Variants in FRYL observed in about 807,000 individuals in gnomAD.
FRYL encodes protein furry homolog-like.
In FRYL, 150 loss-of-function variants were observed where a neutral mutation model predicts 351.2. That is an observed-to-expected ratio of 0.43 (90% CI 0.37 to 0.49). The LOEUF is 0.49. FRYL is among the 20% of genes least tolerant of loss of function. The pLI is 0.00. For synonymous variants in FRYL, 1,153 were observed against 1,257.1 expected (o/e 0.92, Z 1.75); for missense variants, 3,036 against 3,619.3 (o/e 0.84, Z 4.13).
At chr4:48,706,324 A>C (rs886935212) in intron 2 of FRYL, among the ~76,000 whole-genome samples, 42 of 152,332 alleles carry the variant, frequency 2.8e-4, no homozygotes, top group African/African-American at 1.0e-3. Flanking sequence ...AAAGAATGAA[A>C]TTCTAACACG....
chr4:48,612,260 T>A (rs1477532119), intron 7 of FRYL, among the ~76,000 whole-genome samples: 2 of 152,188 alleles, frequency 1.3e-5, no homozygotes, highest in African/African-American at 4.8e-5. Context: ...GTGTATTAAT[T>A]CTTGGATCTT....
intron 1 of FRYL, among the ~76,000 whole-genome samples, chr4:48,751,932 T>C (rs1351639393): frequency 6.6e-6 from 1 of 151,002 alleles, no homozygotes; most frequent in Non-Finnish European, 1.5e-5. Context: ...TCTGAAGTAA[T>C]CCTGAAAATC....
intron 23 of FRYL, among the ~76,000 whole-genome samples, chr4:48,576,495 G>A (rs1158111579): frequency 6.6e-6 from 1 of 151,968 alleles, no homozygotes; most frequent in Non-Finnish European, 1.5e-5. Flanking sequence ...TGGTAGAGAT[G>A]AGGTTTCGTC....
chr4:48,538,670 T>C (rs1729430631), intron 47 of FRYL, among the ~76,000 whole-genome samples: 1 of 152,174 alleles, frequency 6.6e-6, no homozygotes, highest in South Asian at 2.1e-4. Flanking sequence ...ATAAAAAGCT[T>C]TTTCTGGGGA....
chr4:48,521,239 AG>A, intron 54 of FRYL, 24 bp from the exon 55 acceptor site: 1 of 1,561,212 alleles, frequency 6.4e-7, no homozygotes, highest in Non-Finnish European at 8.8e-7. Context: ...GAGTAAAATA[AG>A]GAATTCATTT....
chr4:48,758,691 G>A (rs1161643141), intron 1 of FRYL, among the ~76,000 whole-genome samples: 1 of 152,202 alleles, frequency 6.6e-6, no homozygotes, highest in Admixed American at 6.5e-5. Flanking sequence ...CAAGGATCTA[G>A]AACTAGAAAT....
At chr4:48,620,285 C>T (rs1361056135) in intron 6 of FRYL, among the ~76,000 whole-genome samples, 2 of 152,152 alleles carry the variant, frequency 1.3e-5, no homozygotes, top group African/African-American at 4.8e-5. Flanking sequence ...ATAATTGCCT[C>T]CCTTCATAAA....
At chr4:48,773,388 G>A (rs1388087719) in intron 1 of FRYL, among the ~76,000 whole-genome samples, 1 of 151,948 alleles carries the variant, frequency 6.6e-6, no homozygotes, top group Non-Finnish European at 1.5e-5. Context: ...ACCAGTAAGG[G>A]GCAAATGTCA....
intron 41 of FRYL, chr4:48,546,579 TCGCTTGTC>T: frequency 3.3e-6 from 1 of 299,822 alleles, no homozygotes; most frequent in Non-Finnish European, 6.2e-6. Context: ...TTTGTCAACA[TCGCTTGTC>T]AGTCACATTT....
intron 1 of FRYL, among the ~76,000 whole-genome samples, chr4:48,771,367 C>A (rs1208360126): frequency 1.3e-5 from 2 of 152,210 alleles, no homozygotes; most frequent in Non-Finnish European, 2.9e-5. Flanking sequence ...GGCTATTTTA[C>A]AAGCAATCTC....
rs1427618292 is a variant in FRYL at position 48,567,024 on chromosome 4, T to C, written c.3169+224A>G. On this transcript the variant is annotated intron_variant, in intron 28 of 63. Coordinates refer to ENST00000358350, the MANE Select transcript of FRYL (RefSeq NM_015030.2). This position sits in a 1 kb window ranked among gnomAD's most constrained non-coding sequence, Gnocchi z 4.2. ...TGATTTCTCCAGGTTTTTGTGTCAG[T>C]ATCCTGATTATTACTGAAATTCTAT... 4.6e-5 allele frequency among the ~76,000 whole-genome samples: 7 copies of C among 152,224 alleles called. No homozygotes were observed. Among genetic ancestry groups the C allele is most frequent in the Non-Finnish European group, 4.4e-5 (3 of 68,022 alleles).
At chr4:48,673,408 G>A (rs965659584) in intron 3 of FRYL, among the ~76,000 whole-genome samples, 1 of 151,344 alleles carries the variant, frequency 6.6e-6, no homozygotes, top group Non-Finnish European at 1.5e-5. Context: ...ACAGAGCCTC[G>A]CTATGCTGCC....
At chr4:48,747,561 T>C (rs944810286) in intron 1 of FRYL, among the ~76,000 whole-genome samples, 16 of 152,188 alleles carry the variant, frequency 1.1e-4, no homozygotes, top group Admixed American at 9.8e-4. Context: ...CTCATTAACT[T>C]GAGGAAAAAT....
chr4:48,535,699 G>A lies in FRYL; in HGVS notation c.6522C>T (p.Ser2174=). 4 of 1,597,922 alleles carry A rather than the reference G, an allele frequency of 2.5e-6. No homozygotes were observed. Among genetic ancestry groups the A allele is most frequent in the East Asian group, 2.2e-5 (1 of 44,568 alleles). The part of the protein sequence containing the change: ...INVVCRYLHD[S]FSDTTFNLVT... ...CAAGATTAAATGTTGTATCTGAGAA[G>A]GAGTCATGCAGGTATCTGCACACGA... Residue 2174 remains serine (S), a synonymous_variant, in exon 48 of 64, where the codon TCC becomes TCT. Transcript: ENST00000358350.
chr4:48,683,468 C>T (rs912476112), intron 3 of FRYL, among the ~76,000 whole-genome samples: 3 of 151,284 alleles, frequency 2.0e-5, no homozygotes, highest in South Asian at 2.1e-4. Flanking sequence ...TGAATTACTT[C>T]GTTTTTAATT....
intron 55 of FRYL, among the ~76,000 whole-genome samples, chr4:48,520,202 A>C (rs1227621605): frequency 1.3e-5 from 2 of 152,238 alleles, no homozygotes; most frequent in Non-Finnish European, 2.9e-5. Flanking sequence ...AACCTTAGCC[A>C]TATGAGTATG....
chr4:48,757,756 A>G (rs917618182), intron 1 of FRYL, among the ~76,000 whole-genome samples: 1 of 152,206 alleles, frequency 6.6e-6, no homozygotes, highest in Non-Finnish European at 1.5e-5. Context: ...ATATGGAACC[A>G]AAAAAGAGCC....
At chr4:48,687,118 A>T (rs938269306) in intron 2 of FRYL, among the ~76,000 whole-genome samples, 1 of 151,976 alleles carries the variant, frequency 6.6e-6, no homozygotes, top group African/African-American at 2.4e-5. Context: ...TTAACATGGG[A>T]TTAATTTTTA....
At chr4:48,695,912 A>G (rs1029511729) in intron 2 of FRYL, among the ~76,000 whole-genome samples, 1 of 152,268 alleles carries the variant, frequency 6.6e-6, no homozygotes, top group African/African-American at 2.4e-5. Flanking sequence ...TGCAGCCAAC[A>G]AATATATGAA....
Sources: allele counts gnomAD v4.1 joint callset (sites outside exome capture counted in the v4.1 genomes callset), GRCh38; gene constraint gnomAD v4.1.1; non-coding constraint Gnocchi (gnomAD v3.1); transcripts MANE v1.5; gene names NCBI Gene and HGNC (gene_info 2026-07-23, HGNC 2026-07-21).